WDR41: variants seen among roughly 807,000 people sequenced by gnomAD.
The protein encoded by WDR41 is WD repeat domain 41.
WDR41 carries 63 observed loss-of-function variants against 69.3 expected under a neutral mutation model. That is an observed-to-expected ratio of 0.91 (90% CI 0.74 to 1.12). WDR41 has a LOEUF of 1.12. WDR41 is among the 50% of genes most tolerant of loss of function. The pLI is 0.00. For missense variants in WDR41, 543 were observed against 534.5 expected (o/e 1.02, Z -0.16); for synonymous variants, 185 against 192.1 (o/e 0.96, Z 0.31).
chr5:77,471,889 A>G (rs1023151282), intron 2 of WDR41, among the ~76,000 whole-genome samples: 1 of 152,222 alleles, frequency 6.6e-6, no homozygotes, highest in African/African-American at 2.4e-5. Flanking sequence ...AACTACTCCA[A>G]TCAACAGAAA....
chr5:77,456,073 A>T (rs1350012855), intron 5 of WDR41, among the ~76,000 whole-genome samples: 2 of 152,154 alleles, frequency 1.3e-5, no homozygotes, highest in East Asian at 1.9e-4. Flanking sequence ...TCATAACAAT[A>T]GTAAATCTGA....
chr5:77,561,901 A>G (rs558406469), intron 1 of WDR41, among the ~76,000 whole-genome samples: 1 of 152,312 alleles, frequency 6.6e-6, no homozygotes, highest in African/African-American at 2.4e-5. Context: ...ATTTTGTTAT[A>G]TTTTGTTTAT....
At chr5:77,504,812 C>G (rs1423533279) in intron 1 of WDR41, among the ~76,000 whole-genome samples, 2 of 152,090 alleles carry the variant, frequency 1.3e-5, no homozygotes, top group Admixed American at 6.5e-5. Context: ...AGGCCTTCGA[C>G]AAAATTCAAC....
chr5:77,511,526 A>G (rs913372520), intron 1 of WDR41, among the ~76,000 whole-genome samples: 1 of 152,202 alleles, frequency 6.6e-6, no homozygotes, highest in African/African-American at 2.4e-5. Context: ...TGACTTATTA[A>G]TCAACCACAG....
intron 1 of WDR41, among the ~76,000 whole-genome samples, chr5:77,554,408 G>A (rs1054311675): frequency 6.6e-6 from 1 of 152,030 alleles, no homozygotes. Flanking sequence ...GGTCATAATG[G>A]TAGAGCCCTC....
At chr5:77,527,391 G>A (rs1328603084) in intron 1 of WDR41, among the ~76,000 whole-genome samples, 1 of 151,688 alleles carries the variant, frequency 6.6e-6, no homozygotes, top group Non-Finnish European at 1.5e-5. Context: ...CAATATTAGA[G>A]ACAGAAAGGA....
chr5:77,477,633 AAAGACACAACATATC>A (rs1281027733), intron 2 of WDR41, among the ~76,000 whole-genome samples: 25 of 82,924 alleles, frequency 3.0e-4, no homozygotes, highest in East Asian at 1.0e-3. Context: ...CAACGAGAAC[AAAGACACAACATATC>A]AGAATCTCTG....
At chr5:77,486,596 C>G (rs1047950877) in intron 2 of WDR41, among the ~76,000 whole-genome samples, 2 of 152,316 alleles carry the variant, frequency 1.3e-5, no homozygotes, top group African/African-American at 4.8e-5. Context: ...TACTTTGGGG[C>G]TTGCCCTTCT....
At chr5:77,452,838 A>G (rs1163228005) in intron 6 of WDR41, 1 of 152,228 alleles carries the variant, frequency 6.6e-6, no homozygotes, top group African/African-American at 2.4e-5. Flanking sequence ...AGGAACACAC[A>G]GAAGATTCTT....
chr5:77,551,990 TAAAATAAAATAAAATAAAATAAAATA>T (rs1743306882), intron 1 of WDR41, among the ~76,000 whole-genome samples: 4 of 9,340 alleles, frequency 4.3e-4, no homozygotes, highest in Non-Finnish European at 8.4e-4. Flanking sequence ...AAAAATAAAA[TAAAATAAAATAAAATAAAATAAAATA>T]AAATAAAATA....
At chr5:77,566,855 ACAGT>A (rs1408208428) in intron 1 of WDR41, among the ~76,000 whole-genome samples, 2 of 152,148 alleles carry the variant, frequency 1.3e-5, no homozygotes, top group African/African-American at 2.4e-5. Context: ...GGTTTTCCTA[ACAGT>A]CAGCATGATC....
intron 1 of WDR41, among the ~76,000 whole-genome samples, chr5:77,572,938 T>C (rs1743758956): frequency 6.6e-6 from 1 of 152,084 alleles, no homozygotes; most frequent in Non-Finnish European, 1.5e-5. Context: ...CACAACGGAG[T>C]GAGCAGTTTC....
intron 1 of WDR41, among the ~76,000 whole-genome samples, chr5:77,514,478 G>C (rs1418016823): frequency 1.3e-5 from 2 of 152,142 alleles, no homozygotes; most frequent in Non-Finnish European, 2.9e-5. Flanking sequence ...ATAACCAGAA[G>C]TGTAATGATT....
At chr5:77,491,692 A>C in intron 1 of WDR41, 1 of 156,664 alleles carries the variant, frequency 6.4e-6, no homozygotes, top group Non-Finnish European at 1.4e-5. Context: ...TTGGATAAGT[A>C]AATTAATTTT....
intron 1 of WDR41, among the ~76,000 whole-genome samples, chr5:77,614,431 T>C (rs1744632264): frequency 1.3e-5 from 2 of 150,288 alleles, no homozygotes; most frequent in African/African-American, 2.4e-5. Context: ...ATTAAGAAAA[T>C]GTGGCACATA....
At chr5:77,620,037 T>G (rs956819825) in intron 1 of WDR41, among the ~76,000 whole-genome samples, 1 of 152,156 alleles carries the variant, frequency 6.6e-6, no homozygotes, top group African/African-American at 2.4e-5. Flanking sequence ...ATATGCTATA[T>G]ATATAATATA....
chr5:77,454,195 G>A (rs1175359675), intron 5 of WDR41, among the ~76,000 whole-genome samples: 1 of 152,114 alleles, frequency 6.6e-6, no homozygotes, highest in African/African-American at 2.4e-5. Context: ...GCTCTAAGGT[G>A]AAGACACTAA....
intron 1 of WDR41, among the ~76,000 whole-genome samples, chr5:77,602,424 G>A (rs929154394): frequency 6.6e-6 from 1 of 152,120 alleles, no homozygotes; most frequent in Non-Finnish European, 1.5e-5. Flanking sequence ...ACAGGCATGA[G>A]CCATCGTGCC....
rs777757523 is a variant in WDR41, at chr5:77,492,140, G to T, written c.51+30C>A. ...AAGCCGCCCCTCCAGCAAGCTCGAC[G>T]GACGCAGAGCAGACCCACCCGGGGT... On this transcript the variant is annotated intron_variant, in intron 1 of 12. Transcript: ENST00000296679. The T allele has an allele frequency of 4.4e-6, 7 of 1,601,616 alleles. No homozygotes were observed. In the South Asian group the frequency reaches 4.5e-5, roughly 10 times the overall value.
Sources: gnomAD v4.1 joint callset for allele counts (sites outside exome capture counted in the v4.1 genomes callset) on GRCh38, gnomAD v4.1.1 for gene constraint, MANE v1.5 for transcripts, NCBI Gene and HGNC (gene_info 2026-07-23, HGNC 2026-07-21) for gene names.